The following MBOAT1 variants were observed in gnomAD, a reference collection of about 807,000 sequenced individuals.
MBOAT1 encodes the protein membrane bound glycerophospholipid O-acyltransferase 1.
Under a neutral mutation model 64.4 loss-of-function variants are expected in MBOAT1, and 67 were observed. The observed-to-expected ratio is 1.04, with a 90% confidence interval of 0.85 to 1.27. MBOAT1 has a LOEUF of 1.27. Ranked by LOEUF, MBOAT1 falls within the 50% of genes most tolerant of loss-of-function variation. The probability of loss-of-function intolerance (pLI) is 0.00; values close to 1 mark genes in which losing one functional copy is unlikely to be tolerated. For missense variants in MBOAT1, 563 were observed against 604.6 expected (o/e 0.93, Z 0.72); for synonymous variants, 229 against 218.9 (o/e 1.05, Z -0.41).
chr6:20,191,045 T>C (rs1196132165), intron 1 of MBOAT1, among the ~76,000 whole-genome samples: 1 of 152,246 alleles, frequency 6.6e-6, no homozygotes, highest in Non-Finnish European at 1.5e-5. Context: ...ATTGCTATCA[T>C]ATCTGCTGTG....
At chr6:20,137,717 A>AAC (rs35794753) in intron 4 of MBOAT1, among the ~76,000 whole-genome samples, 3,769 of 150,044 alleles carry the variant, frequency 0.025, 124 homozygotes, top group African/African-American at 0.077. Flanking sequence ...CCCAAAATTA[A>AAC]ACACACACAC....
chr6:20,114,121 A>G (rs187120559), intron 10 of MBOAT1, among the ~76,000 whole-genome samples: 1 of 152,322 alleles, frequency 6.6e-6, no homozygotes, highest in Non-Finnish European at 1.5e-5. Flanking sequence ...CAAAATTTCA[A>G]GATGACTATG....
chr6:20,131,501 A>G (rs1277414584), intron 4 of MBOAT1, among the ~76,000 whole-genome samples: 2 of 152,120 alleles, frequency 1.3e-5, no homozygotes, highest in African/African-American at 2.4e-5. Context: ...TTCCGCCATG[A>G]TTGTAAGTTT....
At chr6:20,170,602 G>A (rs557026778) in intron 1 of MBOAT1, among the ~76,000 whole-genome samples, 3 of 152,014 alleles carry the variant, frequency 2.0e-5, no homozygotes, top group African/African-American at 7.2e-5. Context: ...CATTTCACCC[G>A]GACAACATGC....
intron 1 of MBOAT1, among the ~76,000 whole-genome samples, chr6:20,157,299 A>C (rs374046617): frequency 6.6e-6 from 1 of 152,210 alleles, no homozygotes. Context: ...TAATTTAAAA[A>C]ATGGGCAGTT....
Position 20,133,563 on chromosome 6 carries a change from C to G in MBOAT1, c.420-2364G>C, listed in dbSNP as rs145622655. On this transcript the variant is annotated intron_variant, in intron 4 of 12. Coordinates refer to ENST00000324607, the MANE Select transcript of MBOAT1 (RefSeq NM_001080480.3). The stretch of plus-strand genomic sequence containing the variant: ...CAAAGCCTTTTTGTCTCATTTTGCT[C>G]TTTCTGAATGACAAAAAAAACCTCT... Among the ~76,000 whole-genome samples the G allele has an allele frequency of 2.1e-3, 318 of 152,254 alleles. 1 individual carries two copies. Among genetic ancestry groups the G allele is most frequent in the African/African-American group, 6.4e-3 (265 of 41,560 alleles).
chr6:20,154,115 G>A (rs1272056234), intron 1 of MBOAT1, among the ~76,000 whole-genome samples: 2 of 152,230 alleles, frequency 1.3e-5, no homozygotes, highest in African/African-American at 2.4e-5. Flanking sequence ...GAGCTGGGAG[G>A]TAGAGCACAG....
At chr6:20,189,742 A>T (rs1762752043) in intron 1 of MBOAT1, among the ~76,000 whole-genome samples, 1 of 151,900 alleles carries the variant, frequency 6.6e-6, no homozygotes, top group African/African-American at 2.4e-5. Context: ...CTTCTATGAG[A>T]TCAACTTTTT....
chr6:20,183,085 G>A (rs1039028813), intron 1 of MBOAT1, among the ~76,000 whole-genome samples: 2 of 152,148 alleles, frequency 1.3e-5, no homozygotes, highest in Admixed American at 1.3e-4. Flanking sequence ...AGGCCAACCT[G>A]TAGCCACAGA....
intron 4 of MBOAT1, among the ~76,000 whole-genome samples, chr6:20,139,624 G>A (rs991093444): frequency 3.8e-5 from 5 of 130,146 alleles, no homozygotes; most frequent in Non-Finnish European, 7.7e-5. Flanking sequence ...CATTATCACA[G>A]CTCACTGCAG....
At position 20,118,539 on chromosome 6, in the gene MBOAT1, A is replaced by T; in HGVS notation, c.909T>A (p.Ala303=). The change falls in exon 9 of 13, where the codon GCT becomes GCA. Residue 303 remains alanine (A), a splice_region_variant and synonymous_variant. Transcript: ENST00000324607. ...AGCCAGCTGCGTTATTCACTGCATCAGCTATGGTTTTTAAAGTAACACATT... is the reference window on the plus strand; with the variant it reads ...AGCCAGCTGCGTTATTCACTGCATCTGCTATGGTTTTTAAAGTAACACATT... The part of the protein sequence containing the change: ...KPKYYFAWTL[A]DAVNNAAGFG... The T allele has an allele frequency of 6.2e-7, 1 of 1,612,732 alleles. No homozygotes were observed. The highest frequency in any genetic ancestry group is 2.2e-5 in the East Asian group (1 of 44,878).
intron 4 of MBOAT1, 112 bp downstream of exon 4, chr6:20,144,108 C>G (rs966481840): frequency 1.1e-5 from 8 of 697,966 alleles, no homozygotes; most frequent in Non-Finnish European, 2.0e-5. Context: ...GTCTTACCAA[C>G]TGATTTAACC....
At position 20,126,571 on chromosome 6, in the gene MBOAT1, C is replaced by T. The variant is rs1222633574; in HGVS notation, c.660G>A (p.Leu220=). Residue 220 remains leucine, a synonymous_variant, in exon 7 of 13, where the codon CTG becomes CTA. Transcript: ENST00000324607. ...AACCTTTTCGCTTCCAGTTCACCTC[C>T]AGCAACTTCATGTGTATATGCTTCC... ...IEGKHIHMKL[L]EVNWKRKGFH... is the part of the protein sequence containing the mutation. 1 of 1,613,402 alleles carries T rather than the reference C, an allele frequency of 6.2e-7. No homozygotes were observed. The highest frequency in any genetic ancestry group is 1.7e-5 in the Admixed American group (1 of 59,828).
In MBOAT1 at chr6:20,144,317, T is replaced by C. The variant is rs768807586; in HGVS notation, c.324-2A>G. On this transcript the variant is annotated splice_acceptor_variant, in intron 3 of 12. Transcript: ENST00000324607. LOFTEE classifies it high-confidence loss of function. ...CCCATTGCTACAAAAAAGGAATATCTGAAAGCAAAAACATAGATGATCAGA... is the reference window on the plus strand; with the variant it reads ...CCCATTGCTACAAAAAAGGAATATCCGAAAGCAAAAACATAGATGATCAGA... The C allele has an allele frequency of 3.2e-6, 5 of 1,584,588 alleles. No homozygotes were observed. The East Asian group carries it at 1.1e-4, about 35-fold the overall frequency.
intron 1 of MBOAT1, among the ~76,000 whole-genome samples, chr6:20,175,386 C>T (rs2113732134): frequency 6.6e-6 from 1 of 151,778 alleles, no homozygotes; most frequent in African/African-American, 2.4e-5. Context: ...AGCCTCCCGA[C>T]TAGCTAGGAC....
rs555714418 is a variant in MBOAT1 at position 20,212,315 on chromosome 6, G to C, written c.-81C>G. 4 of 1,374,128 alleles carry C rather than the reference G, an allele frequency of 2.9e-6. No homozygotes were observed. The Admixed American group carries it at 8.0e-5, about 28-fold the overall frequency. 85.1% of individuals were successfully genotyped at this position (1,374,128 alleles called of 1,614,324 possible). ...GCGTCCTCCCGCCCGGGTGCTCTTGGGTGGTTGCCCCGAGAGGCGCACGGC... is the reference window on the plus strand; with the variant it reads ...GCGTCCTCCCGCCCGGGTGCTCTTGCGTGGTTGCCCCGAGAGGCGCACGGC... On this transcript the variant is annotated 5_prime_UTR_variant, in exon 1 of 13. Coordinates refer to ENST00000324607, the MANE Select transcript of MBOAT1 (RefSeq NM_001080480.3).
intron 7 of MBOAT1, among the ~76,000 whole-genome samples, chr6:20,125,655 G>A (rs1450284589): frequency 6.6e-6 from 1 of 152,216 alleles, no homozygotes; most frequent in Non-Finnish European, 1.5e-5. Context: ...CAACCATGGT[G>A]ACTTCACTCC....
At chr6:20,194,183 G>A (rs1762889966) in intron 1 of MBOAT1, among the ~76,000 whole-genome samples, 1 of 151,636 alleles carries the variant, frequency 6.6e-6, no homozygotes, top group Non-Finnish European at 1.5e-5. Context: ...TAAATTTACA[G>A]AAAAATTATT....
intron 3 of MBOAT1, among the ~76,000 whole-genome samples, chr6:20,146,028 T>C (rs1200675614): frequency 6.6e-6 from 1 of 152,220 alleles, no homozygotes; most frequent in East Asian, 1.9e-4. Context: ...CATTGTGACC[T>C]TGAACGTCCC....
Sources: allele counts gnomAD v4.1 joint callset (sites outside exome capture counted in the v4.1 genomes callset), GRCh38; gene constraint gnomAD v4.1.1; transcripts MANE v1.5; gene names NCBI Gene and HGNC (gene_info 2026-07-23, HGNC 2026-07-21).